CNTNAP5: variants seen among roughly 807,000 people sequenced by gnomAD.
CNTNAP5 encodes contactin-associated protein-like 5.
Under a neutral mutation model 150.2 loss-of-function variants are expected in CNTNAP5, and 72 were observed. The ratio of observed to expected loss-of-function variants is 0.48; its 90% CI spans 0.40 to 0.58. The LOEUF is 0.58. Among genes scored for constraint, CNTNAP5 ranks in the 20% least tolerant of loss-of-function variants. The probability of loss-of-function intolerance (pLI) is 0.00; values close to 1 mark genes in which losing one functional copy is unlikely to be tolerated. For missense variants in CNTNAP5, 1,636 were observed against 1,626.2 expected (o/e 1.01, Z -0.10); for synonymous variants, 672 against 619.8 (o/e 1.08, Z -1.25).
At chr2:124,127,062 C>A (rs1204288825) in intron 1 of CNTNAP5, among the ~76,000 whole-genome samples, 2 of 152,126 alleles carry the variant, frequency 1.3e-5, no homozygotes, top group African/African-American at 4.8e-5. Flanking sequence ...CTGGCCGGAG[C>A]AATCTGGAAG....
intron 13 of CNTNAP5, among the ~76,000 whole-genome samples, chr2:124,730,948 T>C (rs1320945274): frequency 6.6e-6 from 1 of 152,138 alleles, no homozygotes; most frequent in Non-Finnish European, 1.5e-5. Flanking sequence ...CTGATGATCC[T>C]CTGGCCACTT....
chr2:124,380,373 T>C (rs1281684171), intron 3 of CNTNAP5, among the ~76,000 whole-genome samples: 12 of 152,138 alleles, frequency 7.9e-5, no homozygotes, highest in Admixed American at 7.9e-4. Context: ...TTTTTCACAA[T>C]ACCGACCAGT....
At chr2:124,599,014 C>T (rs529480471) in intron 11 of CNTNAP5, among the ~76,000 whole-genome samples, 20 of 152,190 alleles carry the variant, frequency 1.3e-4, no homozygotes, top group South Asian at 8.3e-4. Flanking sequence ...ACGCACGGTG[C>T]GCACACCCAC....
At chr2:124,389,396 A>G (rs1263412006) in intron 3 of CNTNAP5, among the ~76,000 whole-genome samples, 2 of 152,112 alleles carry the variant, frequency 1.3e-5, no homozygotes, top group African/African-American at 4.8e-5. Flanking sequence ...TTCTTTTGAC[A>G]TTTTTCATGT....
At chr2:124,430,450 C>T (rs1210533193) in intron 4 of CNTNAP5, among the ~76,000 whole-genome samples, 1 of 152,094 alleles carries the variant, frequency 6.6e-6, no homozygotes, top group Non-Finnish European at 1.5e-5. Context: ...TTATCCTAGC[C>T]CCACACATAC....
chr2:124,353,326 G>A (rs542817031), intron 3 of CNTNAP5, among the ~76,000 whole-genome samples: 37 of 141,674 alleles, frequency 2.6e-4, no homozygotes, highest in Non-Finnish European at 5.2e-4. Flanking sequence ...GGCCATTACA[G>A]CACCATAAGA....
intron 7 of CNTNAP5, among the ~76,000 whole-genome samples, chr2:124,477,656 A>ATT (rs34441550): frequency 2.2e-4 from 28 of 127,476 alleles, no homozygotes; most frequent in African/African-American, 7.9e-4. Context: ...TGCTCATGAC[A>ATT]TTTTTTTTTT....
intron 19 of CNTNAP5, among the ~76,000 whole-genome samples, chr2:124,828,156 A>C (rs954654326): frequency 2.0e-5 from 3 of 152,144 alleles, no homozygotes; most frequent in Admixed American, 2.0e-4. Context: ...AAGGTTGTAA[A>C]GTTTGATAAT....
intron 13 of CNTNAP5, among the ~76,000 whole-genome samples, chr2:124,732,566 A>T (rs1166927160): frequency 6.6e-6 from 1 of 152,126 alleles, no homozygotes; most frequent in Non-Finnish European, 1.5e-5. Flanking sequence ...CTCCCGGTAG[A>T]CATGGGAATT....
At chr2:124,137,248 G>GA (rs1193078953) in intron 1 of CNTNAP5, among the ~76,000 whole-genome samples, 11 of 149,252 alleles carry the variant, frequency 7.4e-5, no homozygotes, top group South Asian at 2.1e-4. Context: ...ATGAATATAT[G>GA]AAAAAAAAAT....
rs535688366 is a variant in CNTNAP5, at chr2:124,478,523, T to TAC, written c.1062+3650_1062+3651dup. 4.0e-4 allele frequency among the ~76,000 whole-genome samples: 61 copies of TAC among 152,164 alleles called. No homozygotes were observed. In the Middle Eastern group the frequency reaches 0.014, roughly 34 times the overall value. The stretch of plus-strand genomic sequence containing the variant: ...TCGTATCACTATACACTTGCACATG[T>TAC]ACACACACACCCACACACATATTTA... On this transcript the variant is annotated intron_variant, in intron 7 of 23. Coordinates refer to ENST00000682447, the MANE Select transcript of CNTNAP5 (RefSeq NM_001367498.1).
intron 13 of CNTNAP5, among the ~76,000 whole-genome samples, chr2:124,721,903 C>G (rs962201447): frequency 1.3e-5 from 2 of 151,880 alleles, no homozygotes; most frequent in African/African-American, 4.8e-5. Flanking sequence ...GTTTTTTTTC[C>G]AACACCTGTC....
rs116534554 is a variant in CNTNAP5, at chr2:124,876,586, A to C, written c.3436+6824A>C. ...CGGTATGAAAAATAATAGTTGAGCT[A>C]TGCTCTTTTAATAAATAAATGCATG... On this transcript the variant is annotated intron_variant, in intron 21 of 23. Coordinates refer to ENST00000682447, the MANE Select transcript of CNTNAP5 (RefSeq NM_001367498.1). 2.0e-3 allele frequency among the ~76,000 whole-genome samples: 308 copies of C among 152,118 alleles called. 4 individuals are homozygous for C. The highest frequency in any genetic ancestry group is 6.9e-3 in the African/African-American group (287 of 41,534).
At chr2:124,184,884 C>T (rs1181517686) in intron 1 of CNTNAP5, among the ~76,000 whole-genome samples, 1 of 152,132 alleles carries the variant, frequency 6.6e-6, no homozygotes, top group Non-Finnish European at 1.5e-5. Context: ...CCTCTGAAGA[C>T]TGTGGGGTAA....
chr2:124,417,638 C>T lies in CNTNAP5; in HGVS notation c.529+48C>T, dbSNP rs146323614. The T allele has an allele frequency of 6.0e-5, 93 of 1,543,974 alleles. No individual in the cohort carries two copies. The East Asian group carries it at 1.6e-3, about 26-fold the overall frequency. ...TACCATTGCTGAGTGTGAGTGGCAC[C>T]GCCTACGTAACATCAGTTTATCTAC... is the stretch of plus-strand genomic sequence containing the variant. On this transcript the variant is annotated intron_variant, in intron 4 of 23. Transcript: ENST00000682447.
chr2:124,539,735 G>A (rs1695333984), intron 10 of CNTNAP5, among the ~76,000 whole-genome samples: 1 of 152,204 alleles, frequency 6.6e-6, no homozygotes, highest in Admixed American at 6.5e-5. Flanking sequence ...GGGGTTCTGT[G>A]TATATCAGCA....
chr2:124,741,326 G>A (rs1680493392), intron 13 of CNTNAP5, among the ~76,000 whole-genome samples: 1 of 152,130 alleles, frequency 6.6e-6, no homozygotes, highest in African/African-American at 2.4e-5. Context: ...AACGGGAAGA[G>A]GCCAGATTCT....
intron 12 of CNTNAP5, among the ~76,000 whole-genome samples, chr2:124,624,113 T>G (rs1340543169): frequency 6.6e-6 from 1 of 152,180 alleles, no homozygotes; most frequent in East Asian, 1.9e-4. Flanking sequence ...AGGGCTGAGC[T>G]TTAAAGTGGT....
At chr2:124,846,793 C>T (rs1315848702) in intron 19 of CNTNAP5, among the ~76,000 whole-genome samples, 1 of 152,146 alleles carries the variant, frequency 6.6e-6, no homozygotes, top group Non-Finnish European at 1.5e-5. Flanking sequence ...CCCCCTTCCC[C>T]TAGGAATGGG....
Sources: gnomAD v4.1 joint callset for allele counts (sites outside exome capture counted in the v4.1 genomes callset) on GRCh38, gnomAD v4.1.1 for gene constraint, MANE v1.5 for transcripts, NCBI Gene and HGNC (gene_info 2026-07-23, HGNC 2026-07-21) for gene names.